SGCD: variants seen among roughly 807,000 people sequenced by gnomAD.
SGCD encodes the protein delta-sarcoglycan.
Under a neutral mutation model 36.6 loss-of-function variants are expected in SGCD, and 18 were observed. The observed-to-expected ratio is 0.49, with a 90% CI of 0.34 to 0.73. SGCD has a LOEUF of 0.73. Among genes scored for constraint, SGCD ranks in the 30% least tolerant of loss-of-function variants. The pLI is 0.01. For synonymous variants in SGCD, 133 were observed against 130.6 expected, an observed-to-expected ratio of 1.02 and a Z score of -0.12; for missense variants, 387 against 346.7, an observed-to-expected ratio of 1.12 and a Z score of -0.92.
At chr5:156,250,255 G>A (rs1327044076) in intron 3 of SGCD, among the ~76,000 whole-genome samples, 1 of 152,164 alleles carries the variant, frequency 6.6e-6, no homozygotes, top group Admixed American at 6.5e-5. Context: ...CCCAAAGATA[G>A]CGAGGTACCT....
intron 3 of SGCD, among the ~76,000 whole-genome samples, chr5:156,288,791 A>C (rs1198120750): frequency 6.6e-6 from 1 of 152,136 alleles, no homozygotes; most frequent in Non-Finnish European, 1.5e-5. Flanking sequence ...TTCTAACTGT[A>C]AGAATGTTAC....
intron 2 of SGCD, among the ~76,000 whole-genome samples, chr5:156,342,703 C>T (rs1440106114): frequency 6.6e-6 from 1 of 152,206 alleles, no homozygotes; most frequent in Non-Finnish European, 1.5e-5. Context: ...CACCACAAAT[C>T]TCACTGCCTG....
At chr5:156,010,877 C>T (rs565162292) in intron 1 of SGCD, among the ~76,000 whole-genome samples, 1 of 152,282 alleles carries the variant, frequency 6.6e-6, no homozygotes, top group South Asian at 2.1e-4. Context: ...CTCATTACTG[C>T]CTTTTCCAGA....
chr5:156,519,832 C>A (rs1031801630), intron 4 of SGCD, among the ~76,000 whole-genome samples: 2 of 152,178 alleles, frequency 1.3e-5, no homozygotes, highest in Admixed American at 1.3e-4. Flanking sequence ...CGTTAAAAAA[C>A]TCCCAATAAA....
chr5:156,521,543 G>A (rs1757405354), intron 4 of SGCD, among the ~76,000 whole-genome samples: 1 of 152,112 alleles, frequency 6.6e-6, no homozygotes, highest in South Asian at 2.1e-4. Context: ...CAAAGGACAC[G>A]AACAGACAGT....
At chr5:156,651,031 G>T (rs563149903) in intron 7 of SGCD, among the ~76,000 whole-genome samples, 1 of 152,240 alleles carries the variant, frequency 6.6e-6, no homozygotes, top group East Asian at 1.9e-4. Flanking sequence ...ATGTGAGATA[G>T]TATCTCATTG....
At chr5:156,458,280 A>G in intron 3 of SGCD, 1 of 688,566 alleles carries the variant, frequency 1.5e-6, no homozygotes, top group Non-Finnish European at 2.5e-6. Flanking sequence ...AATATTAGTC[A>G]CTAAGAAAAT....
At chr5:155,759,019 T>A in the SGCD span, among the ~76,000 whole-genome samples, 2 of 152,052 alleles carry the variant, frequency 1.3e-5, no homozygotes, top group Admixed American at 6.5e-5. Context: ...TTTTTATTTT[T>A]TTTTTAGAGT....
chr5:156,357,691 T>C (rs1769561987), intron 3 of SGCD, among the ~76,000 whole-genome samples: 1 of 152,200 alleles, frequency 6.6e-6, no homozygotes, highest in South Asian at 2.1e-4. Context: ...GTTGCTTTGA[T>C]AAATAAAGTT....
intron 4 of SGCD, among the ~76,000 whole-genome samples, chr5:156,543,707 T>C (rs1267496890): frequency 6.6e-6 from 1 of 152,212 alleles, no homozygotes; most frequent in Non-Finnish European, 1.5e-5. Flanking sequence ...ATGATGACGA[T>C]ATCTTCACCT....
chr5:156,600,929 T>C (rs1299004430), intron 6 of SGCD, among the ~76,000 whole-genome samples: 1 of 152,230 alleles, frequency 6.6e-6, no homozygotes, highest in African/African-American at 2.4e-5. Context: ...ATGTTGAGCA[T>C]ATTTTCATAT....
intron 4 of SGCD, among the ~76,000 whole-genome samples, chr5:156,538,458 G>A (rs1758211155): frequency 6.6e-6 from 1 of 152,016 alleles, no homozygotes; most frequent in Non-Finnish European, 1.5e-5. Context: ...CTGTAAGTTT[G>A]CAGCCATCAC....
intron 3 of SGCD, among the ~76,000 whole-genome samples, chr5:156,240,429 G>A (rs1223554922): frequency 6.6e-6 from 1 of 152,094 alleles, no homozygotes; most frequent in Non-Finnish European, 1.5e-5. Flanking sequence ...AAGGGCATAT[G>A]AGGTCCCTAG....
intron 1 of SGCD, among the ~76,000 whole-genome samples, chr5:155,905,986 G>T (rs187288090): frequency 5.3e-5 from 8 of 152,176 alleles, no homozygotes; most frequent in African/African-American, 1.4e-4. Flanking sequence ...ATTAAAAATT[G>T]AAGCTTTTCA....
intron 1 of SGCD, among the ~76,000 whole-genome samples, chr5:156,000,921 G>A (rs1046817727): frequency 6.6e-6 from 1 of 152,110 alleles, no homozygotes; most frequent in African/African-American, 2.4e-5. Context: ...CTGATCCAGG[G>A]ACCACACTTT....
At chr5:156,090,772 A>G (rs1167890203) in intron 1 of SGCD, among the ~76,000 whole-genome samples, 1 of 152,098 alleles carries the variant, frequency 6.6e-6, no homozygotes, top group Admixed American at 6.5e-5. Flanking sequence ...TCGTTTATAG[A>G]CCTACCCCTG....
At chr5:156,080,965 T>C (rs545906737) in intron 1 of SGCD, among the ~76,000 whole-genome samples, 43 of 152,334 alleles carry the variant, frequency 2.8e-4, no homozygotes, top group Admixed American at 2.6e-3. Flanking sequence ...ACCAATTTTA[T>C]GTGTTAGGCC....
chr5:155,917,212 A>T (rs1424807724), intron 1 of SGCD, among the ~76,000 whole-genome samples: 1 of 152,142 alleles, frequency 6.6e-6, no homozygotes, highest in Non-Finnish European at 1.5e-5. Context: ...GATCAGTGCC[A>T]AATGGAAACC....
rs2127585584 is a variant in SGCD at position 156,067,211 on chromosome 5, GTGCCCCTGCTGGGGGGTGCC to G, written c.-281-50665_-281-50646del. On this transcript the variant is annotated intron_variant, in intron 1 of 9. Coordinates refer to the SGCD transcript ENST00000517913. ...ATACCCTGCCGTGTGAGGTGTCAGTGTGCCCCTGCTGGGGGGTGCCTCCCAGTTAGGCTGCTCCGGGGTCA... is the reference window on the plus strand; with the variant it reads ...ATACCCTGCCGTGTGAGGTGTCAGTGTCCCAGTTAGGCTGCTCCGGGGTCA... Among the ~76,000 whole-genome samples the G allele has an allele frequency of 2.0e-5, 2 of 97,982 alleles. 1 individual carries two copies. Among genetic ancestry groups the G allele is most frequent in the Non-Finnish European group, 3.6e-5 (2 of 55,640 alleles). 64.3% of individuals were successfully genotyped at this position (97,982 alleles called of 152,430 possible). A position where few individuals can be genotyped will look rare whatever the true frequency, so the allele number is the denominator to read the frequency against.
Sources: gnomAD v4.1 joint callset for allele counts (sites outside exome capture counted in the v4.1 genomes callset) on GRCh38, gnomAD v4.1.1 for gene constraint, MANE v1.5 for transcripts, NCBI Gene and HGNC (gene_info 2026-07-23, HGNC 2026-07-21) for gene names.